Variants in CNTNAP5 observed in about 807,000 individuals in gnomAD.
CNTNAP5 encodes the protein contactin-associated protein-like 5.
A neutral mutation model predicts 150.2 loss-of-function variants in CNTNAP5; 72 were observed. That is an observed-to-expected ratio of 0.48 (90% CI 0.40 to 0.58). CNTNAP5 has a LOEUF of 0.58. Among genes scored for constraint, CNTNAP5 ranks in the 20% least tolerant of loss-of-function variants. CNTNAP5 has a pLI of 0.00. For missense variants in CNTNAP5, 1,636 were observed against 1,626.2 expected (o/e 1.01, Z -0.10); for synonymous variants, 672 against 619.8 (o/e 1.08, Z -1.25).
At chr2:124,873,663 ATAGAG>A (rs1476542170) in intron 21 of CNTNAP5, among the ~76,000 whole-genome samples, 4 of 152,118 alleles carry the variant, frequency 2.6e-5, no homozygotes, top group Admixed American at 6.6e-5. Flanking sequence ...TGTATCAGAA[ATAGAG>A]TAAAGTAGGG....
At chr2:124,175,030 A>AT (rs1023357789) in intron 1 of CNTNAP5, among the ~76,000 whole-genome samples, 3 of 151,934 alleles carry the variant, frequency 2.0e-5, no homozygotes, top group South Asian at 2.1e-4. Flanking sequence ...AAGTAAGTAC[A>AT]TTTTTTTTAG....
chr2:124,373,158 G>A (rs1286446162), intron 3 of CNTNAP5, among the ~76,000 whole-genome samples: 1 of 152,140 alleles, frequency 6.6e-6, no homozygotes, highest in Non-Finnish European at 1.5e-5. Flanking sequence ...GCAGGGAGAG[G>A]AACATTCGAT....
chr2:124,377,437 G>A (rs1335289847), intron 3 of CNTNAP5, among the ~76,000 whole-genome samples: 1 of 152,062 alleles, frequency 6.6e-6, no homozygotes, highest in Admixed American at 6.6e-5. Flanking sequence ...CCTGTGGGTG[G>A]CTGAGGTGGG....
chr2:124,889,769 A>G (rs1335498495), intron 21 of CNTNAP5, among the ~76,000 whole-genome samples: 2 of 152,104 alleles, frequency 1.3e-5, no homozygotes, highest in African/African-American at 2.4e-5. Context: ...TTATTATTTC[A>G]GATAAGGTTT....
At chr2:124,732,618 T>C (rs1680295257) in intron 13 of CNTNAP5, among the ~76,000 whole-genome samples, 1 of 152,134 alleles carries the variant, frequency 6.6e-6, no homozygotes, top group African/African-American at 2.4e-5. Flanking sequence ...TTGTAAGACA[T>C]CAATTTCTGT....
intron 19 of CNTNAP5, among the ~76,000 whole-genome samples, chr2:124,853,404 C>T (rs75095122): frequency 0.014 from 2,195 of 152,226 alleles, 36 homozygotes; most frequent in African/African-American, 0.043. Flanking sequence ...TTCCAAGTTC[C>T]CATTCCTTTT....
At chr2:124,419,409 T>A (rs945987405) in intron 4 of CNTNAP5, among the ~76,000 whole-genome samples, 1 of 152,150 alleles carries the variant, frequency 6.6e-6, no homozygotes, top group Non-Finnish European at 1.5e-5. Flanking sequence ...GCAGCATGTT[T>A]AGCATCTTCT....
At chr2:124,550,121 G>A (rs1695595932) in intron 10 of CNTNAP5, among the ~76,000 whole-genome samples, 1 of 152,214 alleles carries the variant, frequency 6.6e-6, no homozygotes, top group South Asian at 2.1e-4. Flanking sequence ...TGCTAGTGCA[G>A]TGTGTTAAAA....
intron 5 of CNTNAP5, among the ~76,000 whole-genome samples, chr2:124,436,183 G>A (rs1276976604): frequency 6.6e-6 from 1 of 152,160 alleles, no homozygotes; most frequent in African/African-American, 2.4e-5. Flanking sequence ...CAATAGTAAA[G>A]CGAGTGTCTT....
chr2:124,602,278 G>A (rs1157261034), intron 11 of CNTNAP5, among the ~76,000 whole-genome samples: 1 of 147,252 alleles, frequency 6.8e-6, no homozygotes, highest in South Asian at 2.2e-4. Context: ...GAAGTCGGAG[G>A]TTGTAGTGAG....
At chr2:124,039,441 A>G (rs1206971346) in intron 1 of CNTNAP5, among the ~76,000 whole-genome samples, 2 of 152,198 alleles carry the variant, frequency 1.3e-5, no homozygotes, top group African/African-American at 4.8e-5. Flanking sequence ...CTTATAGTGC[A>G]GTGCTCCCTC....
Position 124,140,220 on chromosome 2 carries a change from C to G in CNTNAP5, c.83-81485C>G, listed in dbSNP as rs1309184423. Among the ~76,000 whole-genome samples the G allele has an allele frequency of 6.7e-5, 10 of 150,224 alleles. No homozygotes were observed. The East Asian group carries it at 1.8e-3, about 28-fold the overall frequency. ...GGCAACGAGGCTGGGGGAGGGGCGC[C>G]CGCCATTGCCCAGGCTTGCTTAGGT... On this transcript the variant is annotated intron_variant, in intron 1 of 23. Transcript: ENST00000682447.
intron 13 of CNTNAP5, among the ~76,000 whole-genome samples, chr2:124,681,628 A>T (rs1013435594): frequency 2.0e-4 from 31 of 152,100 alleles, no homozygotes; most frequent in African/African-American, 7.0e-4. Flanking sequence ...CAGTGCTACG[A>T]TCTCTGCTCA....
intron 1 of CNTNAP5, among the ~76,000 whole-genome samples, chr2:124,193,365 A>G (rs2104697958): frequency 6.6e-6 from 1 of 152,262 alleles, no homozygotes; most frequent in East Asian, 1.9e-4. Context: ...TTTATTGTCT[A>G]TCTCCACTAG....
intron 19 of CNTNAP5, among the ~76,000 whole-genome samples, chr2:124,852,654 G>C (rs1024230141): frequency 2.6e-5 from 4 of 152,196 alleles, no homozygotes; most frequent in Non-Finnish European, 4.4e-5. Context: ...TGTAGGGAAT[G>C]GATGGGTGTG....
intron 11 of CNTNAP5, among the ~76,000 whole-genome samples, chr2:124,568,994 G>T (rs1002717376): frequency 1.6e-4 from 25 of 152,182 alleles, no homozygotes; most frequent in African/African-American, 5.1e-4. Context: ...CTTGCAGTGA[G>T]CCAAGATCGC....
intron 1 of CNTNAP5, among the ~76,000 whole-genome samples, chr2:124,139,293 C>CAA (rs1553441125): frequency 1.4e-5 from 2 of 147,348 alleles, no homozygotes; most frequent in African/African-American, 5.0e-5. Flanking sequence ...CACACACACA[C>CAA]AATGCTGTTT....
intron 1 of CNTNAP5, among the ~76,000 whole-genome samples, chr2:124,025,944 T>C (rs1212126532): frequency 6.6e-6 from 1 of 152,170 alleles, no homozygotes; most frequent in Non-Finnish European, 1.5e-5. Context: ...CCTTCTTCCG[T>C]TATCGCAAAG....
intron 8 of CNTNAP5, among the ~76,000 whole-genome samples, chr2:124,506,318 G>C (rs1345828899): frequency 2.0e-5 from 3 of 152,124 alleles, no homozygotes; most frequent in Non-Finnish European, 4.4e-5. Context: ...GAAGATAATG[G>C]GTGAGGCAGG....
Sources: allele counts gnomAD v4.1 joint callset (sites outside exome capture counted in the v4.1 genomes callset), GRCh38; gene constraint gnomAD v4.1.1; transcripts MANE v1.5; gene names NCBI Gene and HGNC (gene_info 2026-07-23, HGNC 2026-07-21).